LARGE1: variants seen among roughly 807,000 people sequenced by gnomAD.
LARGE1 encodes the protein LARGE xylosyl- and glucuronyltransferase 1.
LARGE1 carries 43 observed loss-of-function variants against 87.6 expected under a neutral mutation model. That is an observed-to-expected ratio of 0.49 (90% CI 0.38 to 0.63). The LOEUF (loss-of-function observed/expected upper bound fraction) is 0.63, where lower values mean the gene tolerates loss of function less well. Ranked by LOEUF, LARGE1 falls within the 30% of genes least tolerant of loss-of-function variation. LARGE1 has a pLI of 0.00. For synonymous variants in LARGE1, 434 were observed against 394.6 expected (o/e 1.10, Z -1.18); for missense variants, 802 against 1,000.2 (o/e 0.80, Z 2.67).
intron 11 of LARGE1, among the ~76,000 whole-genome samples, chr22:33,261,228 T>C (rs1602163870): frequency 6.6e-6 from 1 of 152,340 alleles, no homozygotes; most frequent in African/African-American, 2.4e-5. Flanking sequence ...GGTTACTTAT[T>C]GTGACAGCTA....
chr22:33,658,233 T>C (rs541648471), intron 2 of LARGE1, among the ~76,000 whole-genome samples: 22 of 152,278 alleles, frequency 1.4e-4, no homozygotes, highest in African/African-American at 5.3e-4. Flanking sequence ...CCTAGATGAA[T>C]TCATATAGCA....
intron 1 of LARGE1, among the ~76,000 whole-genome samples, chr22:33,907,284 C>A (rs189909919): frequency 1.5e-4 from 23 of 152,276 alleles, no homozygotes; most frequent in African/African-American, 5.1e-4. Context: ...ATGGACCTCA[C>A]GAATACTAGA....
intron 2 of LARGE1, among the ~76,000 whole-genome samples, chr22:33,723,459 G>C (rs993932742): frequency 1.3e-5 from 2 of 152,180 alleles, no homozygotes; most frequent in Non-Finnish European, 2.9e-5. Flanking sequence ...ATTGTGTCCA[G>C]TGAGGTACTG....
chr22:33,108,567 G>A, the LARGE1 span: 1 of 152,160 alleles, frequency 6.6e-6, no homozygotes, highest in Non-Finnish European at 1.5e-5. Context: ...TGGGGGTTGG[G>A]GGATGGATCA....
intron 2 of LARGE1, among the ~76,000 whole-genome samples, chr22:33,735,519 T>C (rs2083624359): frequency 6.6e-6 from 1 of 152,056 alleles, no homozygotes; most frequent in African/African-American, 2.4e-5. Context: ...AACAAAGGTA[T>C]CTCAGAAAAT....
At chr22:33,716,193 A>G (rs1308698813) in intron 2 of LARGE1, among the ~76,000 whole-genome samples, 2 of 152,164 alleles carry the variant, frequency 1.3e-5, no homozygotes, top group Non-Finnish European at 2.9e-5. Flanking sequence ...AAATTAAAAT[A>G]CAGGATGGCC....
intron 6 of LARGE1, among the ~76,000 whole-genome samples, chr22:33,550,168 CACACACACATAT>C (rs1236871173): frequency 9.0e-5 from 13 of 144,788 alleles, no homozygotes; most frequent in African/African-American, 3.3e-4. Flanking sequence ...CACACACACA[CACACACACATAT>C]ATATATATGT....
At chr22:33,501,521 C>A (rs982895580) in intron 6 of LARGE1, among the ~76,000 whole-genome samples, 3 of 152,156 alleles carry the variant, frequency 2.0e-5, no homozygotes, top group African/African-American at 7.2e-5. Flanking sequence ...GGGCTGGTTT[C>A]CCTGAAACTG....
chr22:33,438,265 A>T (rs1432505425), intron 6 of LARGE1, among the ~76,000 whole-genome samples: 2 of 152,116 alleles, frequency 1.3e-5, no homozygotes, highest in African/African-American at 4.8e-5. Flanking sequence ...GAGATGACAC[A>T]GGTGGCTACA....
intron 6 of LARGE1, among the ~76,000 whole-genome samples, chr22:33,483,678 A>G (rs937359102): frequency 6.6e-6 from 1 of 152,210 alleles, no homozygotes; most frequent in East Asian, 1.9e-4. Context: ...GCTCTTAATT[A>G]TAACCACAGG....
chr22:33,633,782 T>C (rs2080180205), intron 3 of LARGE1, among the ~76,000 whole-genome samples: 2 of 151,890 alleles, frequency 1.3e-5, no homozygotes, highest in East Asian at 3.9e-4. Flanking sequence ...TTTGGTGGGG[T>C]TGAGGGGGAC....
intron 1 of LARGE1, among the ~76,000 whole-genome samples, chr22:33,902,607 T>C (rs1030266629): frequency 6.6e-6 from 1 of 152,236 alleles, no homozygotes; most frequent in Admixed American, 6.5e-5. Context: ...TAATAAACTC[T>C]ACATCAAACT....
At chr22:33,172,889 T>C (rs1602043240) in intron 11 of LARGE1, among the ~76,000 whole-genome samples, 1 of 152,214 alleles carries the variant, frequency 6.6e-6, no homozygotes, top group Non-Finnish European at 1.5e-5. Flanking sequence ...TTGATTGGTG[T>C]GCCTGAAAGT....
In LARGE1 at chr22:33,575,111, C is replaced by A. The variant is rs548398123; in HGVS notation, c.616-10092G>T. On this transcript the variant is annotated intron_variant, in intron 5 of 14. Coordinates refer to ENST00000397394, the MANE Select transcript of LARGE1 (RefSeq NM_133642.5). ...AGAAATCCGTATTTTAAAACCAGCACCCCGGGTGATTCAAAAGCAAGTCTC... is the reference window on the plus strand; with the variant it reads ...AGAAATCCGTATTTTAAAACCAGCAACCCGGGTGATTCAAAAGCAAGTCTC... Among the ~76,000 whole-genome samples the A allele has an allele frequency of 2.6e-5, 4 of 152,188 alleles. No homozygotes were observed. In the South Asian group the frequency reaches 6.2e-4, roughly 24 times the overall value.
intron 5 of LARGE1, among the ~76,000 whole-genome samples, chr22:33,574,553 G>T (rs1253802470): frequency 6.6e-6 from 1 of 151,902 alleles, no homozygotes; most frequent in Non-Finnish European, 1.5e-5. Flanking sequence ...AGAAAGGAGG[G>T]ACAACAATCA....
chr22:33,670,379 T>C (rs568692405), intron 2 of LARGE1, among the ~76,000 whole-genome samples: 2 of 151,890 alleles, frequency 1.3e-5, no homozygotes, highest in East Asian at 3.9e-4. Context: ...CGAGGACTCA[T>C]CACGTACATG....
chr22:33,067,075 C>T, the LARGE1 span, among the ~76,000 whole-genome samples: 327 of 151,942 alleles, frequency 2.2e-3, 1 homozygote, highest in Admixed American at 5.4e-3. Flanking sequence ...GGACTGGCTC[C>T]GCTACACTGG....
At chr22:33,783,319 T>C (rs2085486591) in intron 1 of LARGE1, among the ~76,000 whole-genome samples, 1 of 152,018 alleles carries the variant, frequency 6.6e-6, no homozygotes, top group Admixed American at 6.6e-5. Context: ...TTTAAAAATT[T>C]GTTTGGGAGG....
intron 1 of LARGE1, among the ~76,000 whole-genome samples, chr22:33,891,317 A>G (rs1418771747): frequency 1.3e-5 from 2 of 152,180 alleles, no homozygotes; most frequent in East Asian, 3.9e-4. Flanking sequence ...ACTGGCTATG[A>G]CTTCCATATG....
Sources: gnomAD v4.1 joint callset for allele counts (sites outside exome capture counted in the v4.1 genomes callset) on GRCh38, gnomAD v4.1.1 for gene constraint, MANE v1.5 for transcripts, NCBI Gene and HGNC (gene_info 2026-07-23, HGNC 2026-07-21) for gene names.